PPEF2: variants seen among roughly 807,000 people sequenced by gnomAD.
PPEF2 encodes protein phosphatase with EF-hand domain 2, also known as serine/threonine-protein phosphatase with EF-hands 2.
Under a neutral mutation model 84.7 loss-of-function variants are expected in PPEF2, and 84 were observed. The observed-to-expected ratio is 0.99, with a 90% CI of 0.83 to 1.19. The LOEUF is 1.19. PPEF2 is among the 50% of genes most tolerant of loss of function. The probability of loss-of-function intolerance (pLI) is 0.00; values close to 1 mark genes in which losing one functional copy is unlikely to be tolerated. For synonymous variants in PPEF2, 346 were observed against 345.2 expected (o/e 1.00, Z -0.03); for missense variants, 924 against 937.5 (o/e 0.99, Z 0.19).
intron 4 of PPEF2, among the ~76,000 whole-genome samples, chr4:75,891,303 C>T (rs1041307557): frequency 3.9e-5 from 6 of 152,166 alleles, no homozygotes; most frequent in Admixed American, 3.3e-4. Context: ...GTTCCCTTTG[C>T]CTGCAGGGGG....
intron 11 of PPEF2, among the ~76,000 whole-genome samples, chr4:75,875,915 T>C (rs1243945882): frequency 6.6e-6 from 1 of 152,152 alleles, no homozygotes; most frequent in African/African-American, 2.4e-5. Flanking sequence ...GGACAGCTCT[T>C]GCCTGGTAAC....
At chr4:75,882,857 A>C (rs1334851807) in intron 10 of PPEF2, 69 bp downstream of exon 10, 2 of 1,516,858 alleles carry the variant, frequency 1.3e-6, no homozygotes, top group Non-Finnish European at 1.8e-6. Context: ...TCAGCATGTA[A>C]GATGACATTT....
chr4:75,888,725 T>C (rs1256198674), intron 5 of PPEF2, among the ~76,000 whole-genome samples: 1 of 152,210 alleles, frequency 6.6e-6, no homozygotes, highest in African/African-American at 2.4e-5. Context: ...TACATTCATG[T>C]GGAAGAGGGG....
At chr4:75,892,401 G>A (rs998021077) in intron 2 of PPEF2, among the ~76,000 whole-genome samples, 2 of 152,152 alleles carry the variant, frequency 1.3e-5, no homozygotes, top group African/African-American at 4.8e-5. Context: ...TGGATGTCAG[G>A]ACACCTGGGA....
chr4:75,891,806 C>T, intron 3 of PPEF2, 45 bp downstream of exon 3: 1 of 1,599,862 alleles, frequency 6.3e-7, no homozygotes, highest in Non-Finnish European at 8.6e-7. Flanking sequence ...AGCCCTGCTG[C>T]CCAAGGGAGA....
intron 6 of PPEF2, among the ~76,000 whole-genome samples, chr4:75,887,493 C>G (rs1199860740): frequency 1.3e-5 from 2 of 151,922 alleles, no homozygotes; most frequent in Non-Finnish European, 2.9e-5. Flanking sequence ...TGGTGGCGGG[C>G]GCCTGTAGTC....
At chr4:75,901,060 A>G (rs1454954795) in intron 1 of PPEF2, among the ~76,000 whole-genome samples, 1 of 152,254 alleles carries the variant, frequency 6.6e-6, no homozygotes, top group Non-Finnish European at 1.5e-5. Flanking sequence ...ATATACTTCT[A>G]TTACAGCTTT....
At chr4:75,891,536 A>T in intron 4 of PPEF2, 112 bp downstream of exon 4, 1 of 1,238,812 alleles carries the variant, frequency 8.1e-7, no homozygotes, top group Non-Finnish European at 1.1e-6. Flanking sequence ...CCCCTTGCTT[A>T]TTCCCTGGCT....
At chr4:75,892,670 A>T (rs1724918443) in intron 2 of PPEF2, among the ~76,000 whole-genome samples, 1 of 152,196 alleles carries the variant, frequency 6.6e-6, no homozygotes, top group Non-Finnish European at 1.5e-5. Flanking sequence ...CTGACCATGC[A>T]GTCCCCCACA....
intron 10 of PPEF2, among the ~76,000 whole-genome samples, chr4:75,877,776 T>A (rs1724468033): frequency 6.6e-6 from 1 of 152,188 alleles, no homozygotes; most frequent in Non-Finnish European, 1.5e-5. Context: ...TATTTCATCA[T>A]TTTTCTAATA....
chr4:75,868,709 A>T (rs962526255), intron 13 of PPEF2, among the ~76,000 whole-genome samples: 1 of 152,060 alleles, frequency 6.6e-6, no homozygotes, highest in East Asian at 1.9e-4. Flanking sequence ...AAAACACAAA[A>T]AACTGTGAAC....
chr4:75,890,154 G>A (rs191736599), intron 4 of PPEF2, 22 bp from the exon 5 acceptor site: 5 of 1,612,818 alleles, frequency 3.1e-6, no homozygotes, highest in Non-Finnish European at 4.2e-6. Context: ...AGAAAAGGTG[G>A]ATCAGCTTAT....
At chr4:75,871,966 A>T in intron 13 of PPEF2, 59 bp downstream of exon 13, 1 of 1,492,048 alleles carries the variant, frequency 6.7e-7, no homozygotes, top group Middle Eastern at 1.8e-4. Flanking sequence ...CACTTCATTC[A>T]AAGATTCTAT....
intron 4 of PPEF2, 31 bp from the exon 5 acceptor site, chr4:75,890,163 A>T (rs773843494): frequency 6.2e-7 from 1 of 1,610,236 alleles, no homozygotes; most frequent in Non-Finnish European, 8.5e-7. Context: ...GGATCAGCTT[A>T]TGATCATCTG....
chr4:75,872,115 C>A lies in PPEF2; in HGVS notation c.1559G>T (p.Gly520Val), dbSNP rs780540735. 1.2e-6 allele frequency: 2 copies of A among 1,613,824 alleles called. No individual in the cohort carries two copies. Among genetic ancestry groups the A allele is most frequent in the South Asian group, 2.2e-5 (2 of 91,058 alleles). Residue 520 changes from glycine (G) to valine (V), a missense_variant, in exon 13 of 17, where the codon GGG becomes GTG. Physicochemically the swap from Gly to Val is moderately radical, Grantham distance 109 (BLOSUM62 -3). Coordinates refer to ENST00000286719, the MANE Select transcript of PPEF2 (RefSeq NM_006239.3). ...SNYYEVGSNR[G>V]AYVKLGPALT... Reference sequence around the variant, plus strand: ...GGCTGGCCCCAGTTTGACATAGGCCCCTCTGTTGCTGCCAACTTCATAGTA... The same window carrying A: ...GGCTGGCCCCAGTTTGACATAGGCCACTCTGTTGCTGCCAACTTCATAGTA...
chr4:75,872,498 C>A (rs1191980661), intron 12 of PPEF2, among the ~76,000 whole-genome samples: 1 of 152,086 alleles, frequency 6.6e-6, no homozygotes, highest in East Asian at 1.9e-4. Context: ...CCAGGATGGC[C>A]ATTACAATGA....
intron 16 of PPEF2, among the ~76,000 whole-genome samples, chr4:75,862,972 G>A (rs935050068): frequency 1.3e-5 from 2 of 152,078 alleles, no homozygotes; most frequent in Non-Finnish European, 2.9e-5. Flanking sequence ...TCATAAAAAA[G>A]GAATGAAAAA....
At position 75,876,449 on chromosome 4, in the gene PPEF2, G is replaced by C. The variant is rs1724415577; in HGVS notation, c.1158C>G (p.Leu386=). The change falls in exon 11 of 17, where the codon CTC becomes CTG. Residue 386 remains leucine (L), a synonymous_variant. Transcript: ENST00000286719. Reference sequence around the variant, plus strand: ...CCACGGAGCTCCGCACCTGCCGGGAGAGCTCCCGCCCGTCCAGGGAACCGC... The same window carrying C: ...CCACGGAGCTCCGCACCTGCCGGGACAGCTCCCGCCCGTCCAGGGAACCGC... ...PCSGSLDGRE[L]SRQVRSSVEL... 1.2e-6 allele frequency: 2 copies of C among 1,614,110 alleles called. No individual in the cohort carries two copies. Among genetic ancestry groups the C allele is most frequent in the African/African-American group, 2.7e-5 (2 of 75,054 alleles).
intron 16 of PPEF2, among the ~76,000 whole-genome samples, chr4:75,862,046 G>A (rs1724017561): frequency 1.3e-5 from 2 of 151,564 alleles, no homozygotes; most frequent in African/African-American, 4.8e-5. Flanking sequence ...TGTAATCCCA[G>A]CACTTTGGGA....
Sources: allele counts gnomAD v4.1 joint callset (sites outside exome capture counted in the v4.1 genomes callset), GRCh38; gene constraint gnomAD v4.1.1; transcripts MANE v1.5; gene names NCBI Gene and HGNC (gene_info 2026-07-23, HGNC 2026-07-21).